UBE2B: variants seen among roughly 807,000 people sequenced by gnomAD.
The protein encoded by UBE2B is ubiquitin conjugating enzyme E2 B, also known as ubiquitin-conjugating enzyme E2 B.
Under a neutral mutation model 24.6 loss-of-function variants are expected in UBE2B, and 11 were observed. That is an observed-to-expected ratio of 0.45 (90% CI 0.28 to 0.74). UBE2B has a LOEUF of 0.74. Ranked by LOEUF, UBE2B falls within the 30% of genes least tolerant of loss-of-function variation. The probability of loss-of-function intolerance (pLI) is 0.13; values close to 1 mark genes in which losing one functional copy is unlikely to be tolerated. For missense variants in UBE2B, 78 were observed against 185.6 expected (o/e 0.42, Z 3.37); for synonymous variants, 68 against 62.4 (o/e 1.09, Z -0.42).
At chr5:134,382,333 G>T (rs960630681) in intron 4 of UBE2B, among the ~76,000 whole-genome samples, 1 of 152,076 alleles carries the variant, frequency 6.6e-6, no homozygotes, top group Admixed American at 6.6e-5. Context: ...CACACCTGTA[G>T]TCTCAGCTAC....
intron 1 of UBE2B, 69 bp from the exon 2 acceptor site, chr5:134,374,314 T>C (rs1758560866): frequency 7.4e-7 from 1 of 1,344,212 alleles, no homozygotes; most frequent in African/African-American, 1.4e-5. Flanking sequence ...ATAGTGTCTG[T>C]AGGTGTTTAC....
At chr5:134,382,743 C>T (rs573798126) in intron 4 of UBE2B, among the ~76,000 whole-genome samples, 9 of 150,276 alleles carry the variant, frequency 6.0e-5, no homozygotes, top group Admixed American at 5.3e-4. Context: ...CACCGCTCTC[C>T]ATCCTGGGTG....
chr5:134,381,240 G>C (rs948959781), intron 4 of UBE2B, among the ~76,000 whole-genome samples: 1 of 151,722 alleles, frequency 6.6e-6, no homozygotes, highest in Non-Finnish European at 1.5e-5. Context: ...TGCTGGGTTT[G>C]TTGTGGATTT....
In UBE2B at chr5:134,388,633, A is replaced by C. The variant is rs556924002; in HGVS notation, c.330+220A>C. Among the ~76,000 whole-genome samples, 10 of 152,322 alleles carry C rather than the reference A, an allele frequency of 6.6e-5. No individual in the cohort carries two copies. The East Asian group carries it at 1.9e-3, about 29-fold the overall frequency. On this transcript the variant is annotated intron_variant, in intron 5 of 5. Transcript: ENST00000265339. ...AGGTCAAACCTAATTTGTGTCCATG[A>C]AGCATAGCCAAGGGTTGTGGAAAAG...
chr5:134,385,121 T>C (rs1452017832), intron 4 of UBE2B, among the ~76,000 whole-genome samples: 1 of 152,270 alleles, frequency 6.6e-6, no homozygotes, highest in Non-Finnish European at 1.5e-5. Flanking sequence ...TCTGATTTAC[T>C]TTTGGATTCT....
chr5:134,386,925 CTT>C (rs1758814120), intron 4 of UBE2B, among the ~76,000 whole-genome samples: 1 of 147,026 alleles, frequency 6.8e-6, no homozygotes, highest in Admixed American at 6.8e-5. Context: ...CCAGTTCCCT[CTT>C]TTATGGACCA....
intron 4 of UBE2B, among the ~76,000 whole-genome samples, chr5:134,385,106 T>C (rs1395732107): frequency 6.6e-6 from 1 of 152,270 alleles, no homozygotes; most frequent in Non-Finnish European, 1.5e-5. Context: ...ATAAGATATT[T>C]GAGTTCTGAT....
rs1758896904 is a variant in UBE2B, at chr5:134,391,582, A to G, written c.*1229A>G. On this transcript the variant is annotated 3_prime_UTR_variant, in exon 6 of 6. Transcript: ENST00000265339. Reference sequence around the variant, plus strand: ...AAACAGCTATTTTAGTAACCCCAAGAGTTTCTTCTCATATCCATAAAATTG... The same window carrying G: ...AAACAGCTATTTTAGTAACCCCAAGGGTTTCTTCTCATATCCATAAAATTG... The G allele has an allele frequency of 6.6e-6, 1 of 152,568 alleles. No individual in the cohort carries two copies. Among genetic ancestry groups the G allele is most frequent in the East Asian group, 1.9e-4 (1 of 5,204 alleles). 9.5% of individuals were successfully genotyped at this position (152,568 alleles called of 1,614,324 possible). A position where few individuals can be genotyped will look rare whatever the true frequency, so the allele number is the denominator to read the frequency against.
Position 134,374,374 on chromosome 5 carries a change from G to C in UBE2B, c.45-9G>C. 6.4e-7 allele frequency: 1 copy of C among 1,552,724 alleles called. No homozygotes were observed. The highest frequency in any genetic ancestry group is 8.7e-7 in the Non-Finnish European group (1 of 1,147,414). ...TTCAACTTTTTAAATTACCACGCTG[G>C]ATTTCCAGGTTACAAGAGGACCCAC... is the stretch of plus-strand genomic sequence containing the variant. On this transcript the variant is annotated splice_polypyrimidine_tract_variant and intron_variant, in intron 1 of 5. Coordinates refer to ENST00000265339, the MANE Select transcript of UBE2B (RefSeq NM_003337.4).
chr5:134,380,955 ATT>A (rs1186834088), intron 4 of UBE2B, 147 bp downstream of exon 4: 10,917 of 150,702 alleles, frequency 0.072, no homozygotes, highest in South Asian at 0.1. Context: ...TTTGTTGTGG[ATT>A]TTTTTTTTTT....
intron 4 of UBE2B, among the ~76,000 whole-genome samples, chr5:134,385,994 C>G (rs1416525879): frequency 2.0e-5 from 3 of 149,414 alleles, no homozygotes; most frequent in Non-Finnish European, 4.4e-5. Flanking sequence ...GCCTGGGTGA[C>G]AGAGCGAGAC....
At chr5:134,385,514 T>A (rs1294101154) in intron 4 of UBE2B, 2 of 152,232 alleles carry the variant, frequency 1.3e-5, no homozygotes, top group Non-Finnish European at 2.9e-5. Flanking sequence ...AGTTCACTTC[T>A]AGAAATTTTT....
chr5:134,391,623 A>G lies in UBE2B; in HGVS notation c.*1270A>G, dbSNP rs888620147. On this transcript the variant is annotated 3_prime_UTR_variant, in exon 6 of 6. Coordinates refer to ENST00000265339, the MANE Select transcript of UBE2B (RefSeq NM_003337.4). ...CATAAAATTGGATTACAGTATGGCA[A>G]TATCTACAGCTTCTATTCATTATGC... The G allele has an allele frequency of 2.6e-5, 4 of 152,618 alleles. No homozygotes were observed. Among genetic ancestry groups the G allele is most frequent in the African/African-American group, 4.8e-5 (2 of 41,466 alleles). 9.5% of individuals were successfully genotyped at this position (152,618 alleles called of 1,614,324 possible). A position where few individuals can be genotyped will look rare whatever the true frequency, so the allele number is the denominator to read the frequency against.
chr5:134,382,814 G>C lies in UBE2B; in HGVS notation c.241+2006G>C, dbSNP rs1758730436. Among the ~76,000 whole-genome samples, 3 of 151,808 alleles carry C rather than the reference G, an allele frequency of 2.0e-5. No individual in the cohort carries two copies. In the South Asian group the frequency reaches 6.2e-4, roughly 32 times the overall value. On this transcript the variant is annotated intron_variant, in intron 4 of 5. Transcript: ENST00000265339. The stretch of plus-strand genomic sequence containing the variant: ...AATTGGGATGTTATATATAAAATAA[G>C]GTGTTTTTTTTGGTTTGTTTGTTTT...
At chr5:134,373,853 A>T (rs898543447) in intron 1 of UBE2B, among the ~76,000 whole-genome samples, 1 of 152,160 alleles carries the variant, frequency 6.6e-6, no homozygotes, top group Non-Finnish European at 1.5e-5. Context: ...CATGGTGTAT[A>T]TGTGCCACAT....
At position 134,390,397 on chromosome 5, in the gene UBE2B, ATTT is replaced by A. The variant is rs778129547; in HGVS notation, c.*45_*47del. ...ATCTTTTTCATCATTGTTGTGTATA[ATTT>A]ACCTCTCATTAGAAAGGCTAACAAA... is the stretch of plus-strand genomic sequence containing the variant. On this transcript the variant is annotated 3_prime_UTR_variant, in exon 6 of 6. Transcript: ENST00000265339. The surrounding 1 kb of genome is among the most constrained non-coding windows in gnomAD (Gnocchi z 4.6). 1.2e-4 allele frequency: 193 copies of A among 1,611,720 alleles called. No individual in the cohort carries two copies. Among genetic ancestry groups the A allele is most frequent in the Non-Finnish European group, 1.6e-4 (188 of 1,178,654 alleles).
At chr5:134,375,691 C>T (rs898730888) in intron 2 of UBE2B, among the ~76,000 whole-genome samples, 48 of 145,680 alleles carry the variant, frequency 3.3e-4, no homozygotes, top group African/African-American at 1.1e-3. Flanking sequence ...CCCAGCTACT[C>T]GGGAGGCTGA....
At chr5:134,378,928 CAAAA>C (rs796702530) in intron 3 of UBE2B, among the ~76,000 whole-genome samples, 1 of 71,948 alleles carries the variant, frequency 1.4e-5, no homozygotes, top group Non-Finnish European at 3.0e-5. Context: ...GACTCCATCT[CAAAA>C]AAAAAAAAAA....
In UBE2B at chr5:134,371,620, C is replaced by G; in HGVS notation, c.25C>G (p.Leu9Val). 1 of 1,613,040 alleles carries G rather than the reference C, an allele frequency of 6.2e-7. No individual in the cohort carries two copies. The highest frequency in any genetic ancestry group is 8.5e-7 in the Non-Finnish European group (1 of 1,179,810). ...CATGTCGACCCCGGCCCGGAGGAGG[C>G]TCATGCGGGATTTCAAGCGGTAAGG... Reference protein sequence around the residue: MSTPARRRLMRDFKRLQED... With the variant: MSTPARRRVMRDFKRLQED... The change falls in exon 1 of 6, where the codon CTC becomes GTC. Residue 9 changes from leucine (L) to valine (V), a missense_variant. Around this residue, in one of 2 missense-constraint regions of UBE2B, gnomAD observed 21 missense variants for 17.9 expected, o/e 1.17. Transcript: ENST00000265339.
Sources: allele counts gnomAD v4.1 joint callset (sites outside exome capture counted in the v4.1 genomes callset), GRCh38; gene constraint gnomAD v4.1.1; regional missense constraint gnomAD v4.1.1; non-coding constraint Gnocchi (gnomAD v3.1); transcripts MANE v1.5; gene names NCBI Gene and HGNC (gene_info 2026-07-23, HGNC 2026-07-21).